Variants in CD8B observed in about 807,000 individuals in gnomAD.
The protein encoded by CD8B is CD8 subunit beta.
A neutral mutation model predicts 24.2 loss-of-function variants in CD8B; 6 were observed. The observed-to-expected ratio is 0.25, with a 90% CI of 0.14 to 0.49. The LOEUF (loss-of-function observed/expected upper bound fraction) is 0.49, where lower values mean the gene tolerates loss of function less well. Ranked by LOEUF, CD8B falls within the 20% of genes least tolerant of loss-of-function variation. The pLI, the probability that CD8B is intolerant of heterozygous loss-of-function variation, is 0.98. For missense variants in CD8B, 196 were observed against 271.3 expected (o/e 0.72, Z 1.95); for synonymous variants, 84 against 108.3 (o/e 0.78, Z 1.39).
rs550392408 is a variant in CD8B at position 86,841,348 on chromosome 2, T to A, written c.*959A>T. 1.8e-3 allele frequency among the ~76,000 whole-genome samples: 275 copies of A among 149,980 alleles called. 1 individual carries two copies. Among genetic ancestry groups the A allele is most frequent in the African/African-American group, 6.4e-3 (261 of 40,738 alleles). On this transcript the variant is annotated 3_prime_UTR_variant, in exon 6 of 6. Coordinates refer to ENST00000390655, the MANE Select transcript of CD8B (RefSeq NM_004931.5). ...ACCCGCGGTAGAAATGAACACGTGC[T>A]AGTTCAGCTTGGGAGTGGGCTGGGA...
rs1199132441 is a variant in CD8B, at chr2:86,840,495, G to A, written c.*1812C>T. Among the ~76,000 whole-genome samples the A allele has an allele frequency of 6.6e-6, 1 of 152,124 alleles. No individual in the cohort carries two copies. Among genetic ancestry groups the A allele is most frequent in the Non-Finnish European group, 1.5e-5 (1 of 68,028 alleles). ...ACGGGCCATCCCTTCATCCGCATAGGGCGTCAATTCACCTCAGCCTTTCAT... is the reference window on the plus strand; with the variant it reads ...ACGGGCCATCCCTTCATCCGCATAGAGCGTCAATTCACCTCAGCCTTTCAT... On this transcript the variant is annotated 3_prime_UTR_variant, in exon 6 of 6. Transcript: ENST00000390655.
Position 86,842,081 on chromosome 2 carries a change from G to A in CD8B, c.*226C>T, listed in dbSNP as rs543408295. On this transcript the variant is annotated 3_prime_UTR_variant, in exon 6 of 6. Coordinates refer to ENST00000390655, the MANE Select transcript of CD8B (RefSeq NM_004931.5). The stretch of plus-strand genomic sequence containing the variant: ...AGTCCTCCAGCACACTCTGTGAAGT[G>A]CCCTGGGGGCAATGAAACCTTCTCC... 1 of 1,345,072 alleles carries A rather than the reference G, an allele frequency of 7.4e-7. No individual in the cohort carries two copies. The highest frequency in any genetic ancestry group is 9.6e-7 in the Non-Finnish European group (1 of 1,044,482). The allele number at this position is 1,345,072 out of a possible 1,614,324, so 83.3% of individuals were successfully genotyped here.
chr2:86,860,553 C>T (rs1181966926), intron 1 of CD8B, among the ~76,000 whole-genome samples: 2 of 152,174 alleles, frequency 1.3e-5, no homozygotes, highest in African/African-American at 4.8e-5. Flanking sequence ...ACCTACTTTA[C>T]CCATGAGGAA....
chr2:86,824,589 G>T (rs1018816555), intron 5 of CD8B, among the ~76,000 whole-genome samples: 3 of 152,210 alleles, frequency 2.0e-5, no homozygotes, highest in African/African-American at 7.2e-5. Flanking sequence ...CTGGGGTCCT[G>T]TGGGGAGGGG....
chr2:86,815,755 C>T (rs756582346), intron 5 of CD8B: 1 of 1,100,014 alleles, frequency 9.1e-7, no homozygotes, highest in Admixed American at 1.7e-5. Flanking sequence ...TCAATACATG[C>T]ACCAAGTCAA....
In CD8B at chr2:86,838,343, G is replaced by A. The variant is rs891545906; in HGVS notation, c.*3964C>T. 3.3e-5 allele frequency among the ~76,000 whole-genome samples: 5 copies of A among 151,904 alleles called. No individual in the cohort carries two copies. Among genetic ancestry groups the A allele is most frequent in the Admixed American group, 1.3e-4 (2 of 15,252 alleles). On this transcript the variant is annotated 3_prime_UTR_variant, in exon 6 of 6. Coordinates refer to ENST00000390655, the MANE Select transcript of CD8B (RefSeq NM_004931.5). ...TGTACATATACAAACAAATATACCC[G>A]GAGGCCTTGATTTATTATTAGAGAA...
At chr2:86,859,450 C>G (rs1021351609) in intron 1 of CD8B, among the ~76,000 whole-genome samples, 4 of 152,164 alleles carry the variant, frequency 2.6e-5, no homozygotes, top group Non-Finnish European at 4.4e-5. Context: ...TTCTTATGAA[C>G]GGAGGACAGC....
chr2:86,828,115 G>A (rs1674763188), intron 5 of CD8B, among the ~76,000 whole-genome samples: 1 of 152,112 alleles, frequency 6.6e-6, no homozygotes. Flanking sequence ...TTGCATAAGC[G>A]GTTAATTGAC....
At chr2:86,832,583 A>T (rs1350273432) in intron 5 of CD8B, among the ~76,000 whole-genome samples, 1 of 151,954 alleles carries the variant, frequency 6.6e-6, no homozygotes, top group Non-Finnish European at 1.5e-5. Context: ...TGGGGAATAA[A>T]TGCCGACACT....
chr2:86,858,493 A>G, intron 1 of CD8B, 77 bp from the exon 2 acceptor site: 1 of 1,496,410 alleles, frequency 6.7e-7, no homozygotes, highest in African/African-American at 1.5e-5. Flanking sequence ...CACTGAGTCA[A>G]GTGTCAAAGG....
chr2:86,852,071 G>A (rs559351492), intron 3 of CD8B, among the ~76,000 whole-genome samples: 3 of 152,154 alleles, frequency 2.0e-5, no homozygotes, highest in South Asian at 4.2e-4. Flanking sequence ...CAGGCTCAAG[G>A]CATCCACCTC....
rs755706334 is a variant in CD8B, at chr2:86,815,651, T to C, written c.688A>G (p.Thr230Ala). 3.7e-6 allele frequency: 6 copies of C among 1,613,506 alleles called. No individual in the cohort carries two copies. In the African/African-American group the frequency reaches 6.7e-5, roughly 18 times the overall value. Residue 230 changes from threonine to alanine, a missense_variant, in exon 6 of 6, where the codon ACA (threonine) becomes GCA (alanine). By Grantham distance (58) the Thr-to-Ala change is moderately conservative. Transcript: ENST00000331469. ...GGGTTAAGCAGCTTCTGTGAGGTTG[T>C]AGTATTGCTGTAGTATCCATGCAGG...
downstream of CD8B, among the ~76,000 whole-genome samples, chr2:86,834,969 T>C (rs1267806560): frequency 2.7e-5 from 4 of 146,074 alleles, no homozygotes; most frequent in Non-Finnish European, 6.0e-5. Context: ...AAGACAAGCG[T>C]TCCCCTGCAC....
chr2:86,836,432 G>A (rs1675181544), downstream of CD8B, among the ~76,000 whole-genome samples: 1 of 152,120 alleles, frequency 6.6e-6, no homozygotes, highest in Non-Finnish European at 1.5e-5. Context: ...CCTAGTCCCA[G>A]CACAGGGCTG....
intron 2 of CD8B, among the ~76,000 whole-genome samples, chr2:86,857,379 G>A (rs1676318853): frequency 1.3e-5 from 2 of 152,170 alleles, no homozygotes; most frequent in African/African-American, 4.8e-5. Context: ...AGCTTTGAAT[G>A]TCCCTGATGT....
chr2:86,832,002 C>G (rs1275841461), intron 5 of CD8B, among the ~76,000 whole-genome samples: 1 of 152,148 alleles, frequency 6.6e-6, no homozygotes, highest in Non-Finnish European at 1.5e-5. Context: ...AATGCCACTG[C>G]TGTAAGGAAG....
chr2:86,859,051 T>C (rs1185670051), intron 1 of CD8B, among the ~76,000 whole-genome samples: 1 of 152,052 alleles, frequency 6.6e-6, no homozygotes, highest in Non-Finnish European at 1.5e-5. Flanking sequence ...GCTGGTTGCC[T>C]TTCACCTCCC....
At chr2:86,854,876 T>G (rs1203665983) in intron 2 of CD8B, among the ~76,000 whole-genome samples, 1 of 151,306 alleles carries the variant, frequency 6.6e-6, no homozygotes, top group African/African-American at 2.4e-5. Context: ...ATCCCAGCAC[T>G]TTGGGAGGCC....
intron 5 of CD8B, among the ~76,000 whole-genome samples, chr2:86,826,929 C>T (rs1674715369): frequency 2.6e-5 from 4 of 151,414 alleles, no homozygotes; most frequent in Admixed American, 2.6e-4. Flanking sequence ...TCAAGCGATT[C>T]TCCTGCTTCA....
Sources: allele counts gnomAD v4.1 joint callset (sites outside exome capture counted in the v4.1 genomes callset), GRCh38; gene constraint gnomAD v4.1.1; transcripts MANE v1.5; gene names NCBI Gene and HGNC (gene_info 2026-07-23, HGNC 2026-07-21).